Variants in KAZN observed in about 807,000 individuals in gnomAD.
KAZN encodes the protein kazrin, periplakin interacting protein, also known as kazrin.
In KAZN, 40 loss-of-function variants were observed where a neutral mutation model predicts 87.4. The ratio of observed to expected loss-of-function variants is 0.46; its 90% confidence interval spans 0.36 to 0.60. The LOEUF (loss-of-function observed/expected upper bound fraction) is 0.60. Among genes scored for constraint, KAZN ranks in the 20% least tolerant of loss-of-function variants. The probability of loss-of-function intolerance (pLI) is 0.00; values close to 1 mark genes in which losing one functional copy is unlikely to be tolerated. For missense variants in KAZN, 898 were observed against 1,073.9 expected (o/e 0.84, Z 2.29); for synonymous variants, 466 against 458.3 (o/e 1.02, Z -0.22).
At chr1:14,745,328 T>C (rs1008127363) in intron 1 of KAZN, among the ~76,000 whole-genome samples, 16 of 151,810 alleles carry the variant, frequency 1.1e-4, no homozygotes, top group Non-Finnish European at 1.5e-5. Context: ...CAACTGTTTT[T>C]AAATGGTACG....
chr1:14,325,266 C>T (rs1656329250), intron 2 of KAZN, among the ~76,000 whole-genome samples: 2 of 152,182 alleles, frequency 1.3e-5, no homozygotes. Context: ...GCCAGATGGA[C>T]TCCACTGAAG....
intron 1 of KAZN, among the ~76,000 whole-genome samples, chr1:14,895,545 A>G (rs1655173292): frequency 6.6e-6 from 1 of 152,196 alleles, no homozygotes; most frequent in African/African-American, 2.4e-5. Context: ...GGGGACAGCC[A>G]AGAAGAGCCA....
chr1:14,729,668 T>C (rs1238141625), intron 1 of KAZN, among the ~76,000 whole-genome samples: 1 of 152,104 alleles, frequency 6.6e-6, no homozygotes, highest in East Asian at 1.9e-4. Flanking sequence ...TCCTCAGGTA[T>C]TTTCCTTTGT....
intron 1 of KAZN, among the ~76,000 whole-genome samples, chr1:14,638,394 C>G (rs924387965): frequency 6.6e-6 from 1 of 151,958 alleles, no homozygotes; most frequent in African/African-American, 2.4e-5. Context: ...CATGGTGAAA[C>G]CCCGTCTCTA....
chr1:15,103,870 A>G (rs941897316), intron 12 of KAZN, among the ~76,000 whole-genome samples, 153 bp from the exon 13 acceptor site: 1 of 152,140 alleles, frequency 6.6e-6, no homozygotes, highest in Non-Finnish European at 1.5e-5. Context: ...GCTCTAAAAA[A>G]TTGGGGAGGG....
chr1:14,729,107 G>T (rs986203576), intron 1 of KAZN, among the ~76,000 whole-genome samples: 1 of 152,136 alleles, frequency 6.6e-6, no homozygotes, highest in African/African-American at 2.4e-5. Context: ...CCTCGAATGT[G>T]CTCCGCAGCA....
chr1:14,396,164 G>A (rs1388560363), intron 2 of KAZN, among the ~76,000 whole-genome samples: 6 of 83,648 alleles, frequency 7.2e-5, no homozygotes, highest in Non-Finnish European at 9.9e-5. Flanking sequence ...GCAAGACTCC[G>A]TCTCAAAAAA....
rs1324452562 is a variant in KAZN at position 15,039,016 on chromosome 1, G to A, written c.555+4131G>A. Among the ~76,000 whole-genome samples the A allele has an allele frequency of 2.0e-5, 3 of 147,270 alleles. 1 individual carries two copies. Among genetic ancestry groups the A allele is most frequent in the Non-Finnish European group, 3.0e-5 (2 of 67,154 alleles). On this transcript the variant is annotated intron_variant, in intron 3 of 14. Coordinates refer to ENST00000376030, the MANE Select transcript of KAZN (RefSeq NM_201628.3). ...TACAGACATGAATGTGATATTACCA[G>A]TAGCAGATGTTTATTGTGCATCTAC...
intron 2 of KAZN, among the ~76,000 whole-genome samples, chr1:14,324,859 C>A (rs1169721476): frequency 6.6e-6 from 1 of 152,074 alleles, no homozygotes; most frequent in Non-Finnish European, 1.5e-5. Context: ...TATCAAATAT[C>A]AAAACTAGGT....
In KAZN at chr1:14,472,513, C is replaced by T. The variant is rs574559964; in HGVS notation, c.250-126470C>T. Among the ~76,000 whole-genome samples, 8 of 152,210 alleles carry T rather than the reference C, an allele frequency of 5.3e-5. No homozygotes were observed. In the East Asian group the frequency reaches 1.2e-3, roughly 22 times the overall value. On this transcript the variant is annotated intron_variant, in intron 2 of 16. Coordinates refer to the KAZN transcript ENST00000636203. ...AACAGGGCCTTTCTTTTTTATCTTT[C>T]GTTGGCCAAAACAAGTCACATGGCC...
In KAZN at chr1:14,225,362, A is replaced by G. The variant is rs139332262; in HGVS notation, c.249+44770A>G. 2.7e-3 allele frequency among the ~76,000 whole-genome samples: 406 copies of G among 152,236 alleles called. 9 individuals carry two copies. The East Asian group carries it at 0.055, about 21-fold the overall frequency. On this transcript the variant is annotated intron_variant, in intron 2 of 16. Coordinates refer to the KAZN transcript ENST00000636203. ...CCCTACAGTGAGAATTACAAAACAC[A>G]GCTAAAGGAGATCAGAGATGACACA...
intron 4 of KAZN, among the ~76,000 whole-genome samples, chr1:15,053,694 A>T (rs1243532390): frequency 6.6e-6 from 1 of 152,018 alleles, no homozygotes; most frequent in African/African-American, 2.4e-5. Flanking sequence ...AAGTCACTAA[A>T]CCTCTCTGAG....
chr1:14,361,246 G>A (rs527534720), intron 2 of KAZN, among the ~76,000 whole-genome samples: 30 of 152,316 alleles, frequency 2.0e-4, no homozygotes, highest in African/African-American at 6.5e-4. Flanking sequence ...GGGGAAAACC[G>A]CCTACTCAAG....
At chr1:14,387,599 G>T (rs1571484522) in intron 2 of KAZN, among the ~76,000 whole-genome samples, 2 of 152,256 alleles carry the variant, frequency 1.3e-5, no homozygotes, top group South Asian at 2.1e-4. Flanking sequence ...GCCCCTGCTT[G>T]GGGGGTGCCT....
intron 1 of KAZN, among the ~76,000 whole-genome samples, chr1:13,989,968 T>C (rs559701055): frequency 1.3e-5 from 2 of 152,304 alleles, no homozygotes; most frequent in South Asian, 4.1e-4. Context: ...ATCTGAGACT[T>C]TTCCCTTGCA....
chr1:14,139,566 T>C (rs1417145), intron 1 of KAZN, among the ~76,000 whole-genome samples: 84,618 of 152,028 alleles, frequency 0.56, 24,957 homozygotes, highest in East Asian at 0.72. Flanking sequence ...CACTTTTGCT[T>C]CCTGCAATGT....
chr1:14,060,921 A>C, intron 1 of KAZN, among the ~76,000 whole-genome samples: 1 of 152,214 alleles, frequency 6.6e-6, no homozygotes, highest in East Asian at 1.9e-4. Context: ...TGCTGCCTGC[A>C]GTGGTGGATA....
intron 1 of KAZN, among the ~76,000 whole-genome samples, chr1:14,841,785 T>C (rs1040867670): frequency 6.6e-6 from 1 of 152,362 alleles, no homozygotes; most frequent in Non-Finnish European, 1.5e-5. Flanking sequence ...AAGGCCTCCC[T>C]GGGAATGAAT....
intron 2 of KAZN, among the ~76,000 whole-genome samples, chr1:14,434,186 A>G (rs920119404): frequency 7.9e-5 from 12 of 152,138 alleles, no homozygotes; most frequent in African/African-American, 2.7e-4. Flanking sequence ...TCTCCTGTTC[A>G]CAGGCATTTG....
Sources: gnomAD v4.1 joint callset for allele counts (sites outside exome capture counted in the v4.1 genomes callset) on GRCh38, gnomAD v4.1.1 for gene constraint, MANE v1.5 for transcripts, NCBI Gene and HGNC (gene_info 2026-07-23, HGNC 2026-07-21) for gene names.